The following FRMD4B variants were observed in gnomAD, a reference collection of about 807,000 sequenced individuals.
The protein encoded by FRMD4B is FERM domain containing 4B.
A neutral mutation model predicts 141.5 loss-of-function variants in FRMD4B; 74 were observed. The ratio of observed to expected loss-of-function variants is 0.52; its 90% CI spans 0.43 to 0.63. The LOEUF (loss-of-function observed/expected upper bound fraction) is 0.63, where lower values mean the gene tolerates loss of function less well. FRMD4B is among the 30% of genes least tolerant of loss of function. The probability of loss-of-function intolerance (pLI) is 0.00; values close to 1 mark genes in which losing one functional copy is unlikely to be tolerated. For synonymous variants in FRMD4B, 506 were observed against 467.9 expected, an observed-to-expected ratio of 1.08 and a Z score of -1.05; for missense variants, 1,366 against 1,253.4, an observed-to-expected ratio of 1.09 and a Z score of -1.36.
chr3:69,484,942 C>T lies in FRMD4B; in HGVS notation c.-128-52181G>A, dbSNP rs369739279. On this transcript the variant is annotated intron_variant, in intron 1 of 5. Transcript: ENST00000459638. ...CAGGGCTGACAGCTCAGTTCCCAGG[C>T]TTCAGGTCTGCCCCAGCCTGAAGGT... is the stretch of plus-strand genomic sequence containing the variant. 3.0e-4 allele frequency among the ~76,000 whole-genome samples: 46 copies of T among 152,086 alleles called. 1 individual carries two copies. In the South Asian group the frequency reaches 8.5e-3, roughly 28 times the overall value.
intron 1 of FRMD4B, among the ~76,000 whole-genome samples, chr3:69,360,045 C>T (rs1223038352): frequency 6.6e-6 from 1 of 152,192 alleles, no homozygotes; most frequent in East Asian, 1.9e-4. Context: ...AACACTCAGG[C>T]ATTCTGTTAG....
chr3:69,227,728 CAGA>C (rs1338534249), intron 7 of FRMD4B, among the ~76,000 whole-genome samples: 3 of 151,376 alleles, frequency 2.0e-5, no homozygotes, highest in Non-Finnish European at 4.4e-5. Context: ...AGATGGAGCA[CAGA>C]AGATTTTTAG....
At chr3:69,271,692 G>A (rs2093595014) in intron 5 of FRMD4B, among the ~76,000 whole-genome samples, 1 of 152,084 alleles carries the variant, frequency 6.6e-6, no homozygotes, top group African/African-American at 2.4e-5. Flanking sequence ...ATAATAATAG[G>A]CCAGGCACAG....
At chr3:69,187,462 C>G (rs2092780525) in intron 19 of FRMD4B, among the ~76,000 whole-genome samples, 1 of 150,490 alleles carries the variant, frequency 6.6e-6, no homozygotes, top group African/African-American at 2.4e-5. Context: ...TTGCTTGAAC[C>G]CAGGAGGCGG....
intron 2 of FRMD4B, among the ~76,000 whole-genome samples, chr3:69,409,426 A>G (rs145044931): frequency 1.4e-3 from 211 of 152,354 alleles, no homozygotes; most frequent in African/African-American, 4.6e-3. Context: ...TAGAAGGAGT[A>G]TTAGTGCATC....
intron 2 of FRMD4B, among the ~76,000 whole-genome samples, chr3:69,391,820 G>T (rs1307905687): frequency 6.6e-6 from 1 of 152,186 alleles, no homozygotes; most frequent in African/African-American, 2.4e-5. Context: ...CCATGCACTG[G>T]AAGGCATTTA....
chr3:69,285,703 G>A (rs558364481), intron 5 of FRMD4B, among the ~76,000 whole-genome samples: 1 of 152,190 alleles, frequency 6.6e-6, no homozygotes, highest in South Asian at 2.1e-4. Flanking sequence ...AATTAGCCGG[G>A]TGCGGTGGTG....
intron 7 of FRMD4B, among the ~76,000 whole-genome samples, chr3:69,247,062 T>C (rs1391174173): frequency 6.6e-6 from 1 of 152,182 alleles, no homozygotes; most frequent in Non-Finnish European, 1.5e-5. Flanking sequence ...AAAAGTCTCA[T>C]CAGAGGTAGA....
intron 1 of FRMD4B, among the ~76,000 whole-genome samples, chr3:69,541,846 C>CATGA (rs1701190692): frequency 6.7e-6 from 1 of 148,860 alleles, no homozygotes; most frequent in South Asian, 2.2e-4. Flanking sequence ...ATCTGGGCTT[C>CATGA]ATCAGCTTTT....
At chr3:69,457,602 G>A (rs540492403) in intron 1 of FRMD4B, among the ~76,000 whole-genome samples, 2 of 152,210 alleles carry the variant, frequency 1.3e-5, no homozygotes, top group Admixed American at 6.5e-5. Context: ...CTTGTGCCAC[G>A]TTTGTTTTCC....
chr3:69,399,876 C>T (rs1482043507), intron 2 of FRMD4B, among the ~76,000 whole-genome samples: 1 of 152,152 alleles, frequency 6.6e-6, no homozygotes, highest in African/African-American at 2.4e-5. Context: ...CCATGCCTGT[C>T]TTGTGACCCT....
intron 11 of FRMD4B, among the ~76,000 whole-genome samples, chr3:69,201,320 G>A (rs1039909600): frequency 1.3e-5 from 2 of 152,046 alleles, no homozygotes; most frequent in African/African-American, 4.8e-5. Context: ...CATTAGTAAT[G>A]TTTTCTTTTA....
intron 1 of FRMD4B, among the ~76,000 whole-genome samples, chr3:69,359,935 G>A (rs183252545): frequency 6.6e-6 from 1 of 152,220 alleles, no homozygotes; most frequent in African/African-American, 2.4e-5. Flanking sequence ...AGTCTCCCCA[G>A]TTGGGGGTAG....
At chr3:69,300,382 C>T (rs1380435995) in intron 4 of FRMD4B, among the ~76,000 whole-genome samples, 6 of 152,082 alleles carry the variant, frequency 3.9e-5, no homozygotes, top group Non-Finnish European at 5.9e-5. Flanking sequence ...GAAAGTAATG[C>T]GAAGTGATTA....
At chr3:69,222,630 T>G (rs2107750562) in intron 8 of FRMD4B, among the ~76,000 whole-genome samples, 1 of 149,930 alleles carries the variant, frequency 6.7e-6, no homozygotes, top group Admixed American at 6.6e-5. Flanking sequence ...AATTAGCTGG[T>G]TGTGGTGGCG....
At chr3:69,525,289 T>C (rs950563879) in intron 1 of FRMD4B, among the ~76,000 whole-genome samples, 1 of 150,440 alleles carries the variant, frequency 6.6e-6, no homozygotes, top group African/African-American at 2.5e-5. Context: ...ACAGGATGGG[T>C]AGATGTTGGG....
chr3:69,262,555 G>A (rs1046160525), intron 5 of FRMD4B, among the ~76,000 whole-genome samples: 1 of 143,632 alleles, frequency 7.0e-6, no homozygotes, highest in African/African-American at 2.6e-5. Context: ...CGCCTCCCAG[G>A]TTCAAGTGAT....
chr3:69,170,548 G>C lies in FRMD4B; in HGVS notation c.*1313C>G, dbSNP rs148056785. On this transcript the variant is annotated 3_prime_UTR_variant, in exon 23 of 23. Coordinates refer to ENST00000398540, the MANE Select transcript of FRMD4B (RefSeq NM_015123.3). ...AGATAGAAAATGTTCCAAAAAAGTTGTTCAGAAACTTTTCTATTCACAATA... is the reference window on the plus strand; with the variant it reads ...AGATAGAAAATGTTCCAAAAAAGTTCTTCAGAAACTTTTCTATTCACAATA... The C allele has an allele frequency of 6.6e-6, 1 of 152,076 alleles. No homozygotes were observed. The highest frequency in any genetic ancestry group is 2.4e-5 in the African/African-American group (1 of 41,470). The allele number at this position is 152,076 out of a possible 1,614,324, so 9.4% of individuals were successfully genotyped here.
At chr3:69,185,722 CAT>C (rs1355121023) in intron 19 of FRMD4B, among the ~76,000 whole-genome samples, 17 of 152,082 alleles carry the variant, frequency 1.1e-4, no homozygotes. Context: ...ATAGAAAAAA[CAT>C]AAACAGTATC....
Sources: gnomAD v4.1 joint callset for allele counts (sites outside exome capture counted in the v4.1 genomes callset) on GRCh38, gnomAD v4.1.1 for gene constraint, MANE v1.5 for transcripts, NCBI Gene and HGNC (gene_info 2026-07-23, HGNC 2026-07-21) for gene names.